The following NLRC5 variants were observed in gnomAD, a reference collection of about 807,000 sequenced individuals.
NLRC5 encodes protein NLRC5.
Under a neutral mutation model 206.9 loss-of-function variants are expected in NLRC5, and 114 were observed. That is an observed-to-expected ratio of 0.55 (90% CI 0.47 to 0.64). The LOEUF (loss-of-function observed/expected upper bound fraction) is 0.64. Among genes scored for constraint, NLRC5 ranks in the 30% least tolerant of loss-of-function variants. NLRC5 has a pLI of 0.00. For synonymous variants in NLRC5, 952 were observed against 962.8 expected, an observed-to-expected ratio of 0.99 and a Z score of 0.21; for missense variants, 2,008 against 2,305.5, an observed-to-expected ratio of 0.87 and a Z score of 2.64.
chr16:57,039,741 A>G (rs1485544942), intron 15 of NLRC5, 40 bp from the exon 16 acceptor site: 3 of 1,574,500 alleles, frequency 1.9e-6, no homozygotes, highest in African/African-American at 2.7e-5. Flanking sequence ...ACAGGGAGCC[A>G]ATAACCTCTC....
chr16:57,047,605 C>T lies in NLRC5; in HGVS notation c.3399C>T (p.Asp1133=). ...CCCGCCTCTGTGCCACTCTGAAGGACTGCCCGGGACCCCTGGAACTGCAGT... is the reference window on the plus strand; with the variant it reads ...CCCGCCTCTGTGCCACTCTGAAGGATTGCCCGGGACCCCTGGAACTGCAGT... The part of the protein sequence containing the change: ...SLTRLCATLK[D]CPGPLELQLS... The change falls in exon 23 of 49, where the codon GAC becomes GAT. Residue 1133 remains aspartate (D), a synonymous_variant. Coordinates refer to ENST00000688547, the MANE Select transcript of NLRC5 (RefSeq NM_001384950.1). 1 of 1,613,456 alleles carries T rather than the reference C, an allele frequency of 6.2e-7. No individual in the cohort carries two copies. The highest frequency in any genetic ancestry group is 1.1e-5 in the South Asian group (1 of 90,854).
chr16:57,037,236 T>G lies in NLRC5; in HGVS notation c.2753T>G (p.Val918Gly). 1 of 1,613,816 alleles carries G rather than the reference T, an allele frequency of 6.2e-7. No individual in the cohort carries two copies. The highest frequency in any genetic ancestry group is 8.5e-7 in the Non-Finnish European group (1 of 1,179,950). ...NGLSVAGVHC[V>G]LRAVSACWTL... The stretch of plus-strand genomic sequence containing the variant: ...CTTTCTGTGGCCGGGGTGCATTGTG[T>G]GCTGAGGGCCGTGAGTGCGTGCTGG... Residue 918 changes from valine to glycine, a missense_variant, in exon 15 of 49, where the codon GTG (valine) becomes GGG (glycine). Physicochemically the swap from Val to Gly is moderately radical, Grantham distance 109 (BLOSUM62 -3). Transcript: ENST00000688547.
chr16:57,082,363 C>G (rs1160761767), intron 48 of NLRC5, 54 bp from the exon 49 acceptor site: 2 of 1,411,056 alleles, frequency 1.4e-6, no homozygotes, highest in South Asian at 1.2e-5. Context: ...TCTGCAGATA[C>G]GACAGATGGC....
chr16:57,077,854 G>C (rs1412412579), intron 42 of NLRC5, 52 bp downstream of exon 42: 2 of 1,591,614 alleles, frequency 1.3e-6, no homozygotes, highest in Non-Finnish European at 1.7e-6. Context: ...AGGTCCACCT[G>C]GCCTCCTCTC....
chr16:57,047,111 C>A (rs2064085118), intron 22 of NLRC5, among the ~76,000 whole-genome samples: 1 of 152,208 alleles, frequency 6.6e-6, no homozygotes, highest in Non-Finnish European at 1.5e-5. Flanking sequence ...ATTTCAATTT[C>A]ACTGTTAGCC....
intron 1 of NLRC5, among the ~76,000 whole-genome samples, chr16:57,011,017 C>T (rs1475944458): frequency 6.6e-6 from 1 of 152,204 alleles, no homozygotes; most frequent in Non-Finnish European, 1.5e-5. Context: ...CCTCCTCAGA[C>T]ACAAGCCTGT....
intron 36 of NLRC5, among the ~76,000 whole-genome samples, chr16:57,068,898 T>C (rs2067339316): frequency 6.6e-6 from 1 of 152,264 alleles, no homozygotes; most frequent in Non-Finnish European, 1.5e-5. Flanking sequence ...AGTTATTTTA[T>C]AGAATGTCCT....
intron 19 of NLRC5, among the ~76,000 whole-genome samples, chr16:57,042,967 G>A (rs2063478585): frequency 6.6e-6 from 1 of 152,174 alleles, no homozygotes; most frequent in African/African-American, 2.4e-5. Context: ...GGAGGTTTTA[G>A]TATGTCCTCA....
chr16:56,997,768 A>G (rs896857332), intron 1 of NLRC5, among the ~76,000 whole-genome samples: 3 of 151,884 alleles, frequency 2.0e-5, no homozygotes, highest in African/African-American at 7.3e-5. Context: ...TTTTGTAGAG[A>G]TGGGGTTTCT....
At chr16:57,061,237 C>G (rs1442505623) in intron 30 of NLRC5, among the ~76,000 whole-genome samples, 2 of 152,232 alleles carry the variant, frequency 1.3e-5, no homozygotes, top group East Asian at 1.9e-4. Context: ...ACTCCTAATA[C>G]TTTCTTACAG....
chr16:57,012,586 C>T (rs1466605762), intron 1 of NLRC5, among the ~76,000 whole-genome samples: 1 of 152,116 alleles, frequency 6.6e-6, no homozygotes, highest in Non-Finnish European at 1.5e-5. Context: ...GAGCACAAAC[C>T]CAGTTGTGAA....
chr16:57,066,317 A>G (rs543721761), intron 33 of NLRC5, among the ~76,000 whole-genome samples: 1 of 152,140 alleles, frequency 6.6e-6, no homozygotes, highest in South Asian at 2.1e-4. Context: ...TAAAAAAAAA[A>G]AAAAAGAAAG....
intron 1 of NLRC5, among the ~76,000 whole-genome samples, chr16:56,991,635 G>C (rs1254477936): frequency 4.7e-5 from 7 of 150,106 alleles, no homozygotes; most frequent in African/African-American, 1.7e-4. Context: ...ACCCGCCTCG[G>C]CCTCCTGTGG....
chr16:57,055,716 G>A (rs1250531945), intron 27 of NLRC5, among the ~76,000 whole-genome samples, 197 bp downstream of exon 27: 5 of 152,100 alleles, frequency 3.3e-5, no homozygotes, highest in African/African-American at 9.7e-5. Flanking sequence ...CCCCACTCTC[G>A]CCATGGTGGA....
intron 6 of NLRC5, among the ~76,000 whole-genome samples, chr16:57,027,724 C>T (rs1398456377): frequency 6.6e-6 from 1 of 152,174 alleles, no homozygotes; most frequent in East Asian, 1.9e-4. Context: ...GGCTTGGGAA[C>T]AAGGAAAGAG....
chr16:57,064,275 A>G (rs2066857269), intron 32 of NLRC5, among the ~76,000 whole-genome samples: 2 of 152,148 alleles, frequency 1.3e-5, no homozygotes, highest in Non-Finnish European at 2.9e-5. Context: ...TACATAAAGA[A>G]AATAGTGCTT....
intron 1 of NLRC5, chr16:57,013,413 T>G (rs1273077943): frequency 9.4e-6 from 6 of 640,396 alleles, no homozygotes; most frequent in Non-Finnish European, 1.7e-5. Flanking sequence ...ATTTTGAAGA[T>G]TTTTTCTGAT....
In NLRC5 at chr16:57,023,899, C is replaced by G. The variant is rs199475969; in HGVS notation, c.424+46C>G. ...GAACATAAACAGAGAGATGGGGTTG[C>G]CTGGGGGCCAAGACCCGGACCCTGG... On this transcript the variant is annotated intron_variant, in intron 5 of 48. Transcript: ENST00000688547. The G allele has an allele frequency of 1.0e-5, 16 of 1,551,120 alleles. No homozygotes were observed. The highest frequency in any genetic ancestry group is 4.6e-5 in the East Asian group (2 of 43,214).
chr16:57,009,102 C>T (rs1283241455), intron 1 of NLRC5, among the ~76,000 whole-genome samples: 1 of 151,716 alleles, frequency 6.6e-6, no homozygotes, highest in Non-Finnish European at 1.5e-5. Context: ...ACCCGCCTGG[C>T]CAACATGGTG....
Sources: gnomAD v4.1 joint callset for allele counts (sites outside exome capture counted in the v4.1 genomes callset) on GRCh38, gnomAD v4.1.1 for gene constraint, MANE v1.5 for transcripts, NCBI Gene and HGNC (gene_info 2026-07-23, HGNC 2026-07-21) for gene names.